Variants in KIAA0319 observed in about 807,000 individuals in gnomAD.
KIAA0319 encodes dyslexia-associated protein KIAA0319.
KIAA0319 carries 83 observed loss-of-function variants against 108.4 expected under a neutral mutation model. That is an observed-to-expected ratio of 0.77 (90% CI 0.64 to 0.92). The LOEUF is 0.92. Ranked by LOEUF, KIAA0319 falls within the 40% of genes least tolerant of loss-of-function variation. The pLI, the probability that KIAA0319 is intolerant of heterozygous loss-of-function variation, is 0.00. For synonymous variants in KIAA0319, 484 were observed against 510.4 expected (o/e 0.95, Z 0.70); for missense variants, 1,195 against 1,322.4 (o/e 0.90, Z 1.49).
At position 24,596,311 on chromosome 6, in the gene KIAA0319, C is replaced by T. The variant is rs1769580655; in HGVS notation, c.363G>A (p.Leu121=). The change falls in exon 3 of 21, where the codon CTG becomes CTA. Residue 121 remains leucine, a synonymous_variant. Transcript: ENST00000378214. ...AQLLDYGDMM[L]NRGSPSGIWG... ...AGATCCCCGAGGGGGAGCCCCTGTT[C>T]AGCATCATGTCCCCATAGTCCAGCA... The T allele has an allele frequency of 6.2e-7, 1 of 1,614,140 alleles. No homozygotes were observed. The highest frequency in any genetic ancestry group is 1.1e-5 in the South Asian group (1 of 91,086).
At chr6:24,603,928 C>T (rs968701585) in intron 1 of KIAA0319, among the ~76,000 whole-genome samples, 4 of 152,092 alleles carry the variant, frequency 2.6e-5, no homozygotes, top group African/African-American at 9.7e-5. Flanking sequence ...CCTAGCCTAA[C>T]ACCATCACTG....
Position 24,579,957 on chromosome 6 carries a change from CAA to C in KIAA0319, c.1280-9_1280-8del. 6.4e-7 allele frequency: 1 copy of C among 1,566,488 alleles called. No individual in the cohort carries two copies. Among genetic ancestry groups the C allele is most frequent in the South Asian group, 1.2e-5 (1 of 85,540 alleles). On this transcript the variant is annotated splice_polypyrimidine_tract_variant and splice_region_variant and intron_variant, in intron 7 of 20. Transcript: ENST00000378214. ...GGCAGGTTGACTCTTCTGGCTGTAA[CAA>C]AAAAAAGGACAGTGACTGAGCCCAT...
chr6:24,635,438 G>A (rs1190754664), intron 1 of KIAA0319, among the ~76,000 whole-genome samples: 1 of 151,992 alleles, frequency 6.6e-6, no homozygotes, highest in East Asian at 1.9e-4. Context: ...TCAGCTTTTG[G>A]CTTAATTTTT....
At position 24,645,999 on chromosome 6, in the gene KIAA0319, G is replaced by A. The variant is rs1456891424; in HGVS notation, c.-369C>T. 1 of 152,404 alleles carries A rather than the reference G, an allele frequency of 6.6e-6. No homozygotes were observed. The highest frequency in any genetic ancestry group is 1.9e-4 in the East Asian group (1 of 5,188). The allele number at this position is 152,404 out of a possible 1,614,324, so 9.4% of individuals were successfully genotyped here. On this transcript the variant is annotated 5_prime_UTR_variant, in exon 1 of 21. Transcript: ENST00000378214. ...CCCCAGAGGAGCGAATCTGGACCAAGCCCAAGACAGGCTGAAGCTACTGCT... is the reference window on the plus strand; with the variant it reads ...CCCCAGAGGAGCGAATCTGGACCAAACCCAAGACAGGCTGAAGCTACTGCT...
intron 1 of KIAA0319, among the ~76,000 whole-genome samples, chr6:24,644,996 A>G (rs573425933): frequency 1.3e-5 from 2 of 152,222 alleles, no homozygotes; most frequent in Non-Finnish European, 2.9e-5. Flanking sequence ...AGTCTCTACA[A>G]TTGTGGTCTT....
At position 24,554,589 on chromosome 6, in the gene KIAA0319, A is replaced by G. The variant is rs758963733; in HGVS notation, c.2900T>C (p.Ile967Thr). 2.2e-5 allele frequency: 35 copies of G among 1,613,954 alleles called. No homozygotes were observed. The highest frequency in any genetic ancestry group is 1.6e-4 in the Middle Eastern group (1 of 6,084). The change falls in exon 19 of 21, where the codon ATT becomes ACT. Residue 967 changes from isoleucine to threonine, a missense_variant. Physicochemically the swap from Ile to Thr is moderately conservative, Grantham distance 89. Transcript: ENST00000378214. ...FYVTVLAFTL[I>T]VLTGGFTWLC... is the part of the protein sequence containing the mutation. Reference sequence around the variant, plus strand: ...CCAAGTGAAACCTCCTGTTAGCACAATAAGAGTAAAAGCCAACACTGTCAC... The same window carrying G: ...CCAAGTGAAACCTCCTGTTAGCACAGTAAGAGTAAAAGCCAACACTGTCAC...
chr6:24,575,845 A>C (rs978142286), intron 10 of KIAA0319, among the ~76,000 whole-genome samples: 4 of 152,194 alleles, frequency 2.6e-5, no homozygotes, highest in African/African-American at 9.6e-5. Flanking sequence ...CAAAAAGAAG[A>C]ATAAGCAAAC....
intron 3 of KIAA0319, among the ~76,000 whole-genome samples, chr6:24,595,561 A>AAC (rs1554164862): frequency 1.3e-5 from 2 of 149,526 alleles, no homozygotes; most frequent in Admixed American, 6.7e-5. Flanking sequence ...AAAAAAAAAA[A>AAC]AAAAAAAAAC....
At chr6:24,567,042 A>G (rs1447377179) in intron 13 of KIAA0319, among the ~76,000 whole-genome samples, 1 of 152,142 alleles carries the variant, frequency 6.6e-6, no homozygotes, top group African/African-American at 2.4e-5. Context: ...AAAAATAGAA[A>G]CAATGATTTT....
chr6:24,623,038 C>T (rs2127573453), intron 1 of KIAA0319, among the ~76,000 whole-genome samples: 1 of 150,808 alleles, frequency 6.6e-6, no homozygotes, highest in African/African-American at 2.4e-5. Context: ...GGCTCCATCT[C>T]ATTAAAAGAA....
intron 1 of KIAA0319, among the ~76,000 whole-genome samples, chr6:24,641,841 G>A (rs1336897957): frequency 6.6e-6 from 1 of 151,872 alleles, no homozygotes; most frequent in African/African-American, 2.4e-5. Flanking sequence ...AAACCAGTCG[G>A]GGCAACATGG....
In KIAA0319 at chr6:24,619,219, C is replaced by T. The variant is rs1013674036; in HGVS notation, c.-105-18011G>A. Among the ~76,000 whole-genome samples, 6 of 152,266 alleles carry T rather than the reference C, an allele frequency of 3.9e-5. No homozygotes were observed. In the South Asian group the frequency reaches 8.3e-4, roughly 21 times the overall value. On this transcript the variant is annotated intron_variant, in intron 1 of 20. Coordinates refer to ENST00000378214, the MANE Select transcript of KIAA0319 (RefSeq NM_014809.4). ...ACTGGAAATGTTTCAGGATTAGCTC[C>T]CTCGGGCTTCTGCGTTGAAAAGAGA...
chr6:24,608,930 CAAAAAAAAAAAAA>C (rs57120652), intron 1 of KIAA0319, among the ~76,000 whole-genome samples: 8 of 30,110 alleles, frequency 2.7e-4, no homozygotes, highest in African/African-American at 4.1e-4. Context: ...GACTCCGTCT[CAAAAAAAAAAAAA>C]AAAAAAAAAA....
chr6:24,638,061 A>G (rs1776427552), intron 1 of KIAA0319, among the ~76,000 whole-genome samples: 1 of 152,216 alleles, frequency 6.6e-6, no homozygotes, highest in Non-Finnish European at 1.5e-5. Context: ...TATGTAATAC[A>G]TACTAGGGAG....
intron 4 of KIAA0319, among the ~76,000 whole-genome samples, chr6:24,587,965 G>C (rs971445990): frequency 6.6e-6 from 1 of 152,192 alleles, no homozygotes; most frequent in Non-Finnish European, 1.5e-5. Flanking sequence ...TACCCATCCA[G>C]GAAAGTGCAG....
chr6:24,613,432 GC>G (rs1417953419), intron 1 of KIAA0319, among the ~76,000 whole-genome samples: 2 of 152,024 alleles, frequency 1.3e-5, no homozygotes, highest in Non-Finnish European at 2.9e-5. Context: ...ATGAGAAAAT[GC>G]CCATGTGCCC....
intron 1 of KIAA0319, among the ~76,000 whole-genome samples, chr6:24,611,729 G>C (rs1193785316): frequency 6.6e-6 from 1 of 151,992 alleles, no homozygotes; most frequent in African/African-American, 2.4e-5. Context: ...ACATAGAAAA[G>C]AAAATATAAG....
intron 2 of KIAA0319, chr6:24,600,792 T>C: frequency 1.3e-6 from 1 of 787,094 alleles, no homozygotes; most frequent in South Asian, 2.0e-5. Flanking sequence ...CTTTTCAATA[T>C]ATAAACATAA....
At chr6:24,559,617 TAAA>T (rs3032307) in intron 16 of KIAA0319, among the ~76,000 whole-genome samples, 26 of 148,686 alleles carry the variant, frequency 1.7e-4, no homozygotes, top group South Asian at 4.2e-4. Context: ...TCCATAATAG[TAAA>T]AAAAAAAAAA....
Sources: gnomAD v4.1 joint callset for allele counts (sites outside exome capture counted in the v4.1 genomes callset) on GRCh38, gnomAD v4.1.1 for gene constraint, MANE v1.5 for transcripts, NCBI Gene and HGNC (gene_info 2026-07-23, HGNC 2026-07-21) for gene names.